Variants in PIK3C2B observed in about 807,000 individuals in gnomAD.
PIK3C2B encodes phosphatidylinositol-4-phosphate 3-kinase catalytic subunit type 2 beta.
PIK3C2B carries 83 observed loss-of-function variants against 184.3 expected under a neutral mutation model. That is an observed-to-expected ratio of 0.45 (90% CI 0.38 to 0.54). The LOEUF is 0.54. PIK3C2B is among the 20% of genes least tolerant of loss of function. The pLI is 0.00. For synonymous variants in PIK3C2B, 779 were observed against 837.6 expected, an observed-to-expected ratio of 0.93 and a Z score of 1.21; for missense variants, 1,736 against 2,113.5, an observed-to-expected ratio of 0.82 and a Z score of 3.50.
In PIK3C2B at chr1:204,439,081, G is replaced by A; in HGVS notation, c.3380-10C>T. ...ATCATCTCCACCATCCCTGTGAGGG[G>A]AGAAATGGGGGTCACGTTCCAGACC... On this transcript the variant is annotated splice_polypyrimidine_tract_variant and intron_variant, in intron 22 of 32. Transcript: ENST00000684373. 4 of 1,612,678 alleles carry A rather than the reference G, an allele frequency of 2.5e-6. No homozygotes were observed. Among genetic ancestry groups the A allele is most frequent in the Non-Finnish European group, 3.4e-6 (4 of 1,179,440 alleles).
rs754172617 is a variant in PIK3C2B, at chr1:204,457,805, C to T, written c.1636G>A (p.Val546Met). The change falls in exon 9 of 33, where the codon GTG (valine) becomes ATG (methionine). Residue 546 changes from valine (V) to methionine (M), a missense_variant. Transcript: ENST00000684373. Reference protein sequence around the residue: ...VKAICNALAAVETPEITSALN... With the variant: ...VKAICNALAAMETPEITSALN... ...GCACTGGTGATCTCAGGGGTTTCCA[C>T]GGCGGCCAGGGCGTTGCAGATGGCC... The T allele has an allele frequency of 2.5e-6, 4 of 1,612,580 alleles. No individual in the cohort carries two copies. The highest frequency in any genetic ancestry group is 3.4e-6 in the Non-Finnish European group (4 of 1,179,444).
intron 12 of PIK3C2B, among the ~76,000 whole-genome samples, chr1:204,451,816 G>A (rs190657994): frequency 6.6e-6 from 1 of 152,278 alleles, no homozygotes; most frequent in East Asian, 1.9e-4. Flanking sequence ...CAGTCACTTG[G>A]AACAGAGAAA....
chr1:204,465,049 A>C (rs1436042306), intron 3 of PIK3C2B, among the ~76,000 whole-genome samples, 170 bp downstream of exon 3: 1 of 152,160 alleles, frequency 6.6e-6, no homozygotes, highest in African/African-American at 2.4e-5. Context: ...GAGACTTCTA[A>C]GATTTCAAAA....
At chr1:204,455,345 G>A (rs61817902) in intron 11 of PIK3C2B, among the ~76,000 whole-genome samples, 23,764 of 150,158 alleles carry the variant, frequency 0.16, 2,286 homozygotes, top group East Asian at 0.4. Context: ...AAAGGGGACC[G>A]GCAGGGGCGG....
intron 1 of PIK3C2B, among the ~76,000 whole-genome samples, chr1:204,481,641 G>A (rs1657158073): frequency 6.6e-6 from 1 of 152,146 alleles, no homozygotes; most frequent in Non-Finnish European, 1.5e-5. Context: ...CTCAGCACCA[G>A]GGGGCAGCTC....
chr1:204,429,118 C>A (rs1266401573), intron 29 of PIK3C2B, among the ~76,000 whole-genome samples: 1 of 151,900 alleles, frequency 6.6e-6, no homozygotes, highest in Non-Finnish European at 1.5e-5. Context: ...GTCCCAGCTA[C>A]TCAGGAGACT....
Position 204,433,390 on chromosome 1 carries a change from C to A in PIK3C2B, c.3879G>T (p.Leu1293=), listed in dbSNP as rs1393055203. The A allele has an allele frequency of 6.2e-7, 1 of 1,612,038 alleles. No homozygotes were observed. The highest frequency in any genetic ancestry group is 1.1e-5 in the South Asian group (1 of 91,026). The part of the protein sequence containing the change: ...LSCGIPELSD[L]EDLKYVYDAL... ...CATCGTACACATACTTGAGGTCCTCCAGGTCTGAGAGTTCAGGGATCCCAC... is the reference window on the plus strand; with the variant it reads ...CATCGTACACATACTTGAGGTCCTCAAGGTCTGAGAGTTCAGGGATCCCAC... Residue 1293 remains leucine (L), a synonymous_variant, in exon 26 of 33, where the codon CTG becomes CTT. Transcript: ENST00000684373. The surrounding 1 kb of genome is among the most constrained non-coding windows in gnomAD (Gnocchi z 5.0).
intron 22 of PIK3C2B, among the ~76,000 whole-genome samples, chr1:204,439,716 C>T (rs1448158904): frequency 1.3e-5 from 2 of 152,174 alleles, no homozygotes; most frequent in African/African-American, 4.8e-5. Context: ...CTTACTGCAG[C>T]CTCAAATTCC....
At chr1:204,466,981 C>T (rs760060632) in intron 2 of PIK3C2B, 1 of 518,926 alleles carries the variant, frequency 1.9e-6, no homozygotes, top group Non-Finnish European at 4.0e-6. Flanking sequence ...AGGGGTCCCC[C>T]CTCCCAGCAG....
chr1:204,488,149 G>A (rs1657756801), intron 1 of PIK3C2B, among the ~76,000 whole-genome samples: 1 of 152,208 alleles, frequency 6.6e-6, no homozygotes, highest in Non-Finnish European at 1.5e-5. Context: ...TGTAAGTGGT[G>A]GAGCCAGGCT....
rs532793827 is a variant in PIK3C2B at position 204,438,804 on chromosome 1, A to G, written c.3516+131T>C. ...TATTTGGAGGCACCAGTCAACCAAG[A>G]AAGGGTAGGTCCTTCTGCCAACAAA... is the stretch of plus-strand genomic sequence containing the variant. On this transcript the variant is annotated intron_variant, in intron 23 of 32. Transcript: ENST00000684373. The G allele has an allele frequency of 5.3e-6, 5 of 949,324 alleles. No individual in the cohort carries two copies. The African/African-American group carries it at 6.6e-5, about 12-fold the overall frequency. The allele number at this position is 949,324 out of a possible 1,614,324, so 58.8% of individuals were successfully genotyped here.
At chr1:204,485,793 G>A (rs1657535826) in intron 1 of PIK3C2B, among the ~76,000 whole-genome samples, 1 of 152,012 alleles carries the variant, frequency 6.6e-6, no homozygotes, top group Non-Finnish European at 1.5e-5. Context: ...TGCCTAGGCT[G>A]ATTGCAAACT....
At position 204,465,304 on chromosome 1, in the gene PIK3C2B, G is replaced by A. The variant is rs535722334; in HGVS notation, c.949C>T (p.His317Tyr). 3.1e-6 allele frequency: 5 copies of A among 1,612,726 alleles called. No individual in the cohort carries two copies. The highest frequency in any genetic ancestry group is 4.2e-6 in the Non-Finnish European group (5 of 1,178,770). Residue 317 changes from histidine (H) to tyrosine (Y), a missense_variant, in exon 3 of 33, where the codon CAC becomes TAC. Around this residue, in one of 8 missense-constraint regions of PIK3C2B, gnomAD observed 404 missense variants for 418.0 expected, o/e 0.97. Coordinates refer to ENST00000684373, the MANE Select transcript of PIK3C2B (RefSeq NM_001377334.1). ...AACTCATGGCCATTGGCAACAGTGT[G>A]GGGCCGGGAGCCCACCTTTAAGAGA... ...ISAAPVGSRP[H>Y]TVANGHELFE...
At chr1:204,477,399 G>A (rs1303619823) in intron 1 of PIK3C2B, among the ~76,000 whole-genome samples, 1 of 152,186 alleles carries the variant, frequency 6.6e-6, no homozygotes, top group African/African-American at 2.4e-5. Flanking sequence ...CCAGTCAGCT[G>A]AAGAAACAAG....
At chr1:204,442,982 T>C (rs1207482673) in intron 19 of PIK3C2B, among the ~76,000 whole-genome samples, 2 of 152,242 alleles carry the variant, frequency 1.3e-5, no homozygotes, top group African/African-American at 2.4e-5. Flanking sequence ...TCTCAATTTT[T>C]AAATGTCGTT....
At chr1:204,429,044 A>G (rs61758006) in intron 29 of PIK3C2B, 50,938 of 355,738 alleles carry the variant, frequency 0.14, 5,597 homozygotes, top group African/African-American at 0.4. Context: ...GTGACATAGT[A>G]AAACCCTGTC....
At chr1:204,479,958 G>C (rs1272172278) in intron 1 of PIK3C2B, among the ~76,000 whole-genome samples, 1 of 152,260 alleles carries the variant, frequency 6.6e-6, no homozygotes, top group Admixed American at 6.5e-5. Flanking sequence ...GGGCTCATCA[G>C]AGAGAGGACA....
chr1:204,434,405 T>C (rs1216604622), intron 24 of PIK3C2B, 34 bp downstream of exon 24: 8 of 1,605,108 alleles, frequency 5.0e-6, no homozygotes, highest in Non-Finnish European at 6.0e-6. Context: ...CTCCTTGCCC[T>C]TCACTCACAA....
chr1:204,472,475 G>A (rs1190290086), intron 1 of PIK3C2B, among the ~76,000 whole-genome samples: 1 of 151,162 alleles, frequency 6.6e-6, no homozygotes, highest in Admixed American at 6.6e-5. Context: ...ACTGGGGGAA[G>A]TTTTAAAAAG....
Sources: gnomAD v4.1 joint callset for allele counts (sites outside exome capture counted in the v4.1 genomes callset) on GRCh38, gnomAD v4.1.1 for gene constraint, gnomAD v4.1.1 regional missense constraint, Gnocchi (gnomAD v3.1) non-coding constraint, MANE v1.5 for transcripts, NCBI Gene and HGNC (gene_info 2026-07-23, HGNC 2026-07-21) for gene names.